The following ADGRV1 variants were observed in gnomAD, a reference collection of about 807,000 sequenced individuals.
ADGRV1 encodes the protein adhesion G protein-coupled receptor V1.
In ADGRV1, 359 loss-of-function variants were observed where a neutral mutation model predicts 596.2. That is an observed-to-expected ratio of 0.60 (90% CI 0.55 to 0.66). ADGRV1 has a LOEUF of 0.66. Ranked by LOEUF, ADGRV1 falls within the 30% of genes least tolerant of loss-of-function variation. The probability of loss-of-function intolerance (pLI) is 0.00; values close to 1 mark genes in which losing one functional copy is unlikely to be tolerated. For missense variants in ADGRV1, 7,274 were observed against 7,575.6 expected (o/e 0.96, Z 1.48); for synonymous variants, 2,681 against 2,679.2 (o/e 1.00, Z -0.02).
chr5:90,725,064 A>G, intron 46 of ADGRV1, 22 bp from the exon 47 acceptor site: 1 of 1,528,960 alleles, frequency 6.5e-7, no homozygotes, highest in Non-Finnish European at 8.9e-7. Flanking sequence ...GAATAACTGT[A>G]TTCTTATTCC....
Position 90,653,712 on chromosome 5 carries a change from A to C in ADGRV1, c.4138A>C (p.Ser1380Arg). ...TATAGCGAAGGATGACGGTAATGGA[A>C]GCATCTACTACGGGGTAAAAATACA... is the stretch of plus-strand genomic sequence containing the variant. ...FIIAKDDGNG[S>R]IYYGVKIQTN... Residue 1380 changes from serine to arginine, a missense_variant, in exon 20 of 90, where the codon AGC becomes CGC. Around this residue, in one of 5 missense-constraint regions of ADGRV1, gnomAD observed 1,715 missense variants for 1,708.8 expected, o/e 1.00. Coordinates refer to ENST00000405460, the MANE Select transcript of ADGRV1 (RefSeq NM_032119.4). 4 of 1,613,216 alleles carry C rather than the reference A, an allele frequency of 2.5e-6. No individual in the cohort carries two copies. The highest frequency in any genetic ancestry group is 3.4e-6 in the Non-Finnish European group (4 of 1,179,582).
chr5:91,065,695 C>T (rs765886741), intron 85 of ADGRV1, among the ~76,000 whole-genome samples: 14 of 151,962 alleles, frequency 9.2e-5, no homozygotes, highest in Non-Finnish European at 1.8e-4. Flanking sequence ...AATTGGGTAA[C>T]GCAAGTGAAA....
rs770016069 is a variant in ADGRV1 at position 90,694,458 on chromosome 5, G to A, written c.7702G>A (p.Val2568Ile). 20 of 1,613,900 alleles carry A rather than the reference G, an allele frequency of 1.2e-5. No individual in the cohort carries two copies. The highest frequency in any genetic ancestry group is 1.7e-5 in the Non-Finnish European group (20 of 1,179,832). ...CATAGGACAGCCAAATATTTCTACA[G>A]TTGTCATAGCACTAAATGGTGATGC... ...PTIGQPNIST[V>I]VIALNGDAFG... The change falls in exon 33 of 90, where the codon GTT (valine) becomes ATT (isoleucine). Residue 2568 changes from valine to isoleucine, a missense_variant. Val to Ile is a conservative substitution (Grantham distance 29). This residue lies in a region of ADGRV1 where 3,643 missense variants were observed against 3,809.2 expected (regional missense o/e 0.96). Coordinates refer to ENST00000405460, the MANE Select transcript of ADGRV1 (RefSeq NM_032119.4).
intron 1 of ADGRV1, among the ~76,000 whole-genome samples, chr5:90,585,960 A>AC (rs1488573848): frequency 1.7e-4 from 26 of 152,328 alleles, no homozygotes; most frequent in African/African-American, 6.3e-4. Flanking sequence ...GAGGAAGAAA[A>AC]GTATCGACAG....
At chr5:91,003,345 G>A (rs1426132373) in intron 85 of ADGRV1, among the ~76,000 whole-genome samples, 1 of 152,130 alleles carries the variant, frequency 6.6e-6, no homozygotes, top group Non-Finnish European at 1.5e-5. Flanking sequence ...AATAATTATA[G>A]GTAGCACAGC....
At chr5:91,121,098 C>A (rs941874458) in intron 87 of ADGRV1, among the ~76,000 whole-genome samples, 1 of 152,116 alleles carries the variant, frequency 6.6e-6, no homozygotes, top group Non-Finnish European at 1.5e-5. Context: ...CGCTTCAACC[C>A]TGGAAGAGGA....
chr5:91,011,767 A>C (rs949074679), intron 85 of ADGRV1, among the ~76,000 whole-genome samples: 1 of 151,866 alleles, frequency 6.6e-6, no homozygotes, highest in Admixed American at 6.6e-5. Flanking sequence ...GAAAAAAAAA[A>C]GCAATGCTAA....
chr5:90,636,072 T>A (rs1265468703), intron 10 of ADGRV1, among the ~76,000 whole-genome samples: 1 of 151,966 alleles, frequency 6.6e-6, no homozygotes, highest in Non-Finnish European at 1.5e-5. Context: ...ATCTTAAGAA[T>A]TTTTTACTTT....
intron 1 of ADGRV1, among the ~76,000 whole-genome samples, chr5:90,590,123 T>C (rs995470533): frequency 6.6e-6 from 1 of 152,186 alleles, no homozygotes; most frequent in Non-Finnish European, 1.5e-5. Flanking sequence ...TTTTGTTGTA[T>C]TTCATTTGAG....
rs548242817 is a variant in ADGRV1 at position 90,666,664 on chromosome 5, G to T, written c.4753-5882G>T. ...TTGATCCTGTCATTATGATGTTAGC[G>T]GGTTATTTTGCTTGTTAGTTGATGC... is the stretch of plus-strand genomic sequence containing the variant. On this transcript the variant is annotated intron_variant, in intron 21 of 89. Transcript: ENST00000405460. Among the ~76,000 whole-genome samples the T allele has an allele frequency of 9.6e-5, 14 of 146,002 alleles. No homozygotes were observed. In the South Asian group the frequency reaches 1.1e-3, roughly 12 times the overall value.
At chr5:90,674,992 T>C (rs931945518) in intron 23 of ADGRV1, among the ~76,000 whole-genome samples, 1 of 152,234 alleles carries the variant, frequency 6.6e-6, no homozygotes, top group Admixed American at 6.5e-5. Context: ...TTGATGCTGC[T>C]GTGGGAAGAA....
At chr5:90,862,018 A>G (rs1300782364) in intron 82 of ADGRV1, among the ~76,000 whole-genome samples, 1 of 152,204 alleles carries the variant, frequency 6.6e-6, no homozygotes, top group Non-Finnish European at 1.5e-5. Flanking sequence ...ACTGGCTTTG[A>G]ATCCTGAACT....
In ADGRV1 at chr5:90,725,105, C is replaced by T. The variant is rs1254801749; in HGVS notation, c.9926C>T (p.Pro3309Leu). 11 of 1,542,684 alleles carry T rather than the reference C, an allele frequency of 7.1e-6. No individual in the cohort carries two copies. Among genetic ancestry groups the T allele is most frequent in the Admixed American group, 4.3e-5 (2 of 46,930 alleles). Residue 3309 changes from proline to leucine, a missense_variant, in exon 47 of 90, where the codon CCT becomes CTT. Around this residue, in one of 5 missense-constraint regions of ADGRV1, gnomAD observed 3,643 missense variants for 3,809.2 expected, o/e 0.96. Coordinates refer to ENST00000405460, the MANE Select transcript of ADGRV1 (RefSeq NM_032119.4). Reference sequence around the variant, plus strand: ...TTCTAGGATTTAAATATAGAAAATCCTAAAACTTGTGAGGCCTTTAATATT... The same window carrying T: ...TTCTAGGATTTAAATATAGAAAATCTTAAAACTTGTGAGGCCTTTAATATT... ...IPVEDLNIEN[P>L]KTCEAFNIGF...
rs1580596352 is a variant in ADGRV1 at position 90,650,548 on chromosome 5, A to G, written c.3290-1056A>G. ...TGCTATATATAAAATTTGTTTCTAT[A>G]ATTTTAGCTGTAGGTGTTGTATACA... is the stretch of plus-strand genomic sequence containing the variant. On this transcript the variant is annotated intron_variant, in intron 17 of 89. Coordinates refer to ENST00000405460, the MANE Select transcript of ADGRV1 (RefSeq NM_032119.4). Among the ~76,000 whole-genome samples the G allele has an allele frequency of 2.6e-5, 4 of 152,270 alleles. 1 individual carries two copies. Among genetic ancestry groups the G allele is most frequent in the Admixed American group, 2.6e-4 (4 of 15,290 alleles).
chr5:90,697,295 G>C, intron 34 of ADGRV1, 149 bp downstream of exon 34: 1 of 696,102 alleles, frequency 1.4e-6, no homozygotes, highest in East Asian at 2.7e-5. Context: ...TTGGGAGAAG[G>C]CTTTATAATG....
Position 90,697,074 on chromosome 5 carries a change from A to T in ADGRV1, c.8083A>T (p.Ile2695Phe). 1 of 1,613,492 alleles carries T rather than the reference A, an allele frequency of 6.2e-7. No homozygotes were observed. Among genetic ancestry groups the T allele is most frequent in the Non-Finnish European group, 8.5e-7 (1 of 1,179,496 alleles). ...AAGCTCCGACACTGTTAGAGTGAAC[A>T]TTTTGGCCAATGACAATGTGGCAGG... ...LPSSDTVRVN[I>F]LANDNVAGIV... is the part of the protein sequence containing the mutation. The change falls in exon 34 of 90, where the codon ATT (isoleucine) becomes TTT (phenylalanine). Residue 2695 changes from isoleucine (I) to phenylalanine (F), a missense_variant. Ile to Phe is a conservative substitution (Grantham distance 21). Transcript: ENST00000405460.
intron 83 of ADGRV1, among the ~76,000 whole-genome samples, chr5:90,892,143 C>T (rs981794713): frequency 4.6e-5 from 7 of 151,296 alleles, no homozygotes; most frequent in Non-Finnish European, 8.9e-5. Flanking sequence ...ACTTCTTTTG[C>T]TTTGAAGTGC....
chr5:90,627,630 A>G lies in ADGRV1; in HGVS notation c.1092A>G (p.Lys364=). 1 of 1,613,936 alleles carries G rather than the reference A, an allele frequency of 6.2e-7. No individual in the cohort carries two copies. Among genetic ancestry groups the G allele is most frequent in the Non-Finnish European group, 8.5e-7 (1 of 1,179,856 alleles). The change falls in exon 7 of 90, where the codon AAA becomes AAG. Residue 364 remains lysine, a synonymous_variant. Coordinates refer to ENST00000405460, the MANE Select transcript of ADGRV1 (RefSeq NM_032119.4). ...AATCGTTTCACATTATGTTACTAAA[A>G]GATACCTTACAGGGAGATGCTGTGC... ...IAESFHIMLL[K]DTLQGDAVLI...
intron 85 of ADGRV1, among the ~76,000 whole-genome samples, chr5:91,069,780 C>T (rs1456318358): frequency 6.6e-6 from 1 of 152,034 alleles, no homozygotes; most frequent in Admixed American, 6.6e-5. Flanking sequence ...GAAAATAAAT[C>T]GTTCTATCAA....
Sources: gnomAD v4.1 joint callset for allele counts (sites outside exome capture counted in the v4.1 genomes callset) on GRCh38, gnomAD v4.1.1 for gene constraint, gnomAD v4.1.1 regional missense constraint, MANE v1.5 for transcripts, NCBI Gene and HGNC (gene_info 2026-07-23, HGNC 2026-07-21) for gene names.